MEF2C: variants seen among roughly 807,000 people sequenced by gnomAD.
MEF2C encodes myocyte-specific enhancer factor 2C.
MEF2C carries 6 observed loss-of-function variants against 50.5 expected under a neutral mutation model. The ratio of observed to expected loss-of-function variants is 0.12; its 90% CI spans 0.07 to 0.23. The LOEUF is 0.23. MEF2C is among the 10% of genes least tolerant of loss of function. The pLI, the probability that MEF2C is intolerant of heterozygous loss-of-function variation, is 1.00. For synonymous variants in MEF2C, 183 were observed against 228.0 expected, an observed-to-expected ratio of 0.80 and a Z score of 1.78; for missense variants, 276 against 605.0, an observed-to-expected ratio of 0.46 and a Z score of 5.70.
chr5:88,843,233 G>GT lies in MEF2C; in HGVS notation c.-142-19304dup, dbSNP rs769590345. On this transcript the variant is annotated intron_variant, in intron 1 of 10. Coordinates refer to ENST00000504921, the MANE Select transcript of MEF2C (RefSeq NM_002397.5). ...GCTTTTTTTTTTTTTTAATTCTATG[G>GT]TAAAAAAAAAAGCATTTCTATTTCT... The GT allele has an allele frequency of 8.5e-4, 560 of 658,276 alleles. 3 individuals are homozygous for GT. Among genetic ancestry groups the GT allele is most frequent in the African/African-American group, 3.4e-3 (163 of 48,454 alleles). The allele number at this position is 658,276 out of a possible 1,614,324, so 40.8% of individuals were successfully genotyped here. A position where few individuals can be genotyped will look rare whatever the true frequency, so the allele number is the denominator to read the frequency against.
At chr5:88,838,382 T>C in intron 1 of MEF2C, 1 of 209,208 alleles carries the variant, frequency 4.8e-6, no homozygotes, top group Non-Finnish European at 8.3e-6. Context: ...TTTTGGTTTT[T>C]TTTTTTCTAC....
chr5:88,870,400 T>C (rs1158055942), intron 1 of MEF2C, among the ~76,000 whole-genome samples: 2 of 152,076 alleles, frequency 1.3e-5, no homozygotes, highest in African/African-American at 2.4e-5. Context: ...AAAGTGACTA[T>C]AGTGGCATGT....
At chr5:88,735,915 T>G in intron 6 of MEF2C, 3 of 985,392 alleles carry the variant, frequency 3.0e-6, no homozygotes, top group Non-Finnish European at 2.4e-6. Context: ...CATTTTGAGT[T>G]TTCTTCACTT....
chr5:88,864,847 C>T lies in MEF2C; in HGVS notation c.-143+18108G>A, dbSNP rs367773178. On this transcript the variant is annotated intron_variant, in intron 1 of 10. Coordinates refer to ENST00000504921, the MANE Select transcript of MEF2C (RefSeq NM_002397.5). ...AATGGCGCAATCTCGGCTCACTCAC[C>T]GCAACCTCCGCCTCCCGGGTTCAAG... 1.3e-4 allele frequency among the ~76,000 whole-genome samples: 19 copies of T among 151,890 alleles called. No homozygotes were observed. In the East Asian group the frequency reaches 2.5e-3, roughly 20 times the overall value.
In MEF2C at chr5:88,741,721, G is replaced by A. The variant is rs566391614; in HGVS notation, c.637+7349C>T. On this transcript the variant is annotated intron_variant, in intron 6 of 10. Transcript: ENST00000504921. Reference sequence around the variant, plus strand: ...CTTATACTTTAAATACAACATAATCGGTTCTTTATAATAACTGGAGGTGGT... The same window carrying A: ...CTTATACTTTAAATACAACATAATCAGTTCTTTATAATAACTGGAGGTGGT... 7 of 982,916 alleles carry A rather than the reference G, an allele frequency of 7.1e-6. No individual in the cohort carries two copies. The South Asian group carries it at 1.9e-4, about 26-fold the overall frequency. The allele number at this position is 982,916 out of a possible 1,614,324, so 60.9% of individuals were successfully genotyped here.
intron 1 of MEF2C, among the ~76,000 whole-genome samples, chr5:88,879,243 T>G (rs1017759309): frequency 1.3e-5 from 2 of 151,850 alleles, no homozygotes; most frequent in Non-Finnish European, 2.9e-5. Flanking sequence ...AAAATTACTG[T>G]AAAGTTGGGT....
intron 1 of MEF2C, among the ~76,000 whole-genome samples, chr5:88,849,549 G>GT (rs1820544213): frequency 6.6e-6 from 1 of 152,120 alleles, no homozygotes; most frequent in Admixed American, 6.5e-5. Flanking sequence ...TGTCTTAAGT[G>GT]TTTAACTTTG....
At chr5:88,761,131 AG>A (rs763628534) in intron 4 of MEF2C, 53 bp downstream of exon 4, 13 of 1,613,894 alleles carry the variant, frequency 8.1e-6, no homozygotes, top group Non-Finnish European at 1.0e-5. Flanking sequence ...AATGCCTGCC[AG>A]GTTCAGAGAA....
At chr5:88,880,089 G>A (rs190248133) in intron 1 of MEF2C, among the ~76,000 whole-genome samples, 50 of 151,722 alleles carry the variant, frequency 3.3e-4, no homozygotes, top group African/African-American at 1.1e-3. Context: ...CTAAGGACGG[G>A]GATCTTAATT....
rs73179472 is a variant in MEF2C at position 88,874,752 on chromosome 5, T to C, written c.-143+8203A>G. On this transcript the variant is annotated intron_variant, in intron 1 of 10. Transcript: ENST00000504921. The stretch of plus-strand genomic sequence containing the variant: ...TTAACTGTTGGTCTAATTTGGTAAA[T>C]TTCATATAGGCAATTAATAATTAGT... 3.3e-3 allele frequency among the ~76,000 whole-genome samples: 507 copies of C among 152,076 alleles called. 2 individuals are homozygous for C. The highest frequency in any genetic ancestry group is 0.012 in the African/African-American group (490 of 41,558).
At chr5:88,759,757 TCTA>T (rs1247599869) in intron 4 of MEF2C, among the ~76,000 whole-genome samples, 3 of 152,246 alleles carry the variant, frequency 2.0e-5, no homozygotes, top group African/African-American at 7.2e-5. Flanking sequence ...CAACAAAAGT[TCTA>T]CTGCTGACAT....
chr5:88,822,399 A>G (rs1808813376), intron 2 of MEF2C, among the ~76,000 whole-genome samples: 1 of 151,966 alleles, frequency 6.6e-6, no homozygotes, highest in South Asian at 2.1e-4. Flanking sequence ...GGCTTGATCC[A>G]CAGCAAGAAA....
chr5:88,752,506 T>C (rs1305327944), intron 4 of MEF2C: 5 of 641,010 alleles, frequency 7.8e-6, no homozygotes, highest in Non-Finnish European at 9.7e-6. Flanking sequence ...TCTCCAAGCA[T>C]GTGCATAGCA....
At chr5:88,806,553 A>G (rs1275065333) in intron 2 of MEF2C, among the ~76,000 whole-genome samples, 1 of 152,088 alleles carries the variant, frequency 6.6e-6, no homozygotes, top group Non-Finnish European at 1.5e-5. Context: ...CCCCACAACT[A>G]AATAGATTTA....
At chr5:88,875,460 A>G (rs1239145484) in intron 1 of MEF2C, among the ~76,000 whole-genome samples, 1 of 152,044 alleles carries the variant, frequency 6.6e-6, no homozygotes, top group African/African-American at 2.4e-5. Context: ...AATATAATGC[A>G]CAAGCTTCAT....
intron 6 of MEF2C, chr5:88,736,026 A>G (rs1763932071): frequency 1.0e-6 from 1 of 985,314 alleles, no homozygotes. Context: ...TAATTCTGCC[A>G]TTGGCATAAC....
intron 1 of MEF2C, among the ~76,000 whole-genome samples, chr5:88,870,823 A>G (rs988880108): frequency 6.6e-6 from 1 of 152,104 alleles, no homozygotes; most frequent in African/African-American, 2.4e-5. Context: ...CACTAAACTT[A>G]TAAAAACCCT....
chr5:88,830,282 A>G (rs938215019), intron 1 of MEF2C, among the ~76,000 whole-genome samples: 3 of 152,030 alleles, frequency 2.0e-5, no homozygotes, highest in Non-Finnish European at 4.4e-5. Flanking sequence ...TCCTACTTTA[A>G]TATCTTTCCC....
chr5:88,892,061 T>C (rs1834644686), intron 1 of MEF2C: 1 of 151,410 alleles, frequency 6.6e-6, no homozygotes, highest in African/African-American at 2.4e-5. Flanking sequence ...TTATTTGAAT[T>C]ATTGTCTTTA....
Sources: allele counts gnomAD v4.1 joint callset (sites outside exome capture counted in the v4.1 genomes callset), GRCh38; gene constraint gnomAD v4.1.1; transcripts MANE v1.5; gene names NCBI Gene and HGNC (gene_info 2026-07-23, HGNC 2026-07-21).